PPA2: variants seen among roughly 807,000 people sequenced by gnomAD.
PPA2 encodes inorganic pyrophosphatase 2, mitochondrial.
In PPA2, 48 loss-of-function variants were observed where a neutral mutation model predicts 49.5. That is an observed-to-expected ratio of 0.97 (90% confidence interval 0.77 to 1.23). The LOEUF (loss-of-function observed/expected upper bound fraction) is 1.23. PPA2 is among the 50% of genes most tolerant of loss of function. PPA2 has a pLI of 0.00. For synonymous variants in PPA2, 131 were observed against 139.9 expected (o/e 0.94, Z 0.45); for missense variants, 429 against 410.1 (o/e 1.05, Z -0.40).
chr4:105,466,315 C>A (rs1214941888), intron 1 of PPA2, among the ~76,000 whole-genome samples: 2 of 151,626 alleles, frequency 1.3e-5, no homozygotes, highest in Non-Finnish European at 2.9e-5. Context: ...ATGCACTGTA[C>A]TAAGCATGGT....
At chr4:105,432,142 T>C (rs1723833111) in intron 6 of PPA2, among the ~76,000 whole-genome samples, 1 of 152,182 alleles carries the variant, frequency 6.6e-6, no homozygotes. Context: ...ATGGTGGAGG[T>C]TGTTATATAC....
intron 5 of PPA2, among the ~76,000 whole-genome samples, chr4:105,440,515 C>G (rs548188121): frequency 1.3e-5 from 2 of 152,228 alleles, no homozygotes; most frequent in Non-Finnish European, 2.9e-5. Context: ...CCTGCCTCGG[C>G]CTCCGACAGT....
chr4:105,456,134 AAAC>A (rs1473383110), intron 2 of PPA2: 4 of 404,182 alleles, frequency 9.9e-6, no homozygotes, highest in African/African-American at 8.3e-5. Context: ...ACAGCTATTC[AAAC>A]ACCACCATTT....
chr4:105,374,370 C>G (rs890043252), intron 10 of PPA2, among the ~76,000 whole-genome samples: 2 of 152,018 alleles, frequency 1.3e-5, no homozygotes, highest in Non-Finnish European at 2.9e-5. Context: ...AGACCAGCCC[C>G]GGCAACATAG....
intron 6 of PPA2, among the ~76,000 whole-genome samples, chr4:105,426,597 G>A (rs1723523607): frequency 6.6e-6 from 1 of 152,246 alleles, no homozygotes; most frequent in Non-Finnish European, 1.5e-5. Context: ...GCAGCAGTCT[G>A]AGATCAACCT....
chr4:105,387,775 G>GT (rs1324428498), intron 9 of PPA2, among the ~76,000 whole-genome samples: 1 of 151,190 alleles, frequency 6.6e-6, no homozygotes, highest in East Asian at 1.9e-4. Flanking sequence ...AAGTTGAGGG[G>GT]GAAAAAAAAG....
rs140159342 is a variant in PPA2 at position 105,415,034 on chromosome 4, C to T, written c.655+9162G>A. Reference sequence around the variant, plus strand: ...GGCAGGTTGTCCCGTCCTCCCGAGTCTGGTTAAATCCAAGGTTTTTATGGG... The same window carrying T: ...GGCAGGTTGTCCCGTCCTCCCGAGTTTGGTTAAATCCAAGGTTTTTATGGG... On this transcript the variant is annotated intron_variant, in intron 7 of 11. Transcript: ENST00000341695. 1.0e-3 allele frequency among the ~76,000 whole-genome samples: 153 copies of T among 152,268 alleles called. 1 individual carries two copies. The highest frequency in any genetic ancestry group is 3.6e-3 in the African/African-American group (149 of 41,570).
At chr4:105,405,717 C>T (rs1722438783) in intron 7 of PPA2, 1 of 774,644 alleles carries the variant, frequency 1.3e-6, no homozygotes, top group Non-Finnish European at 1.7e-6. Flanking sequence ...GCTAACCTAC[C>T]TAAAATAGAT....
At chr4:105,406,681 A>T (rs1196671920) in intron 7 of PPA2, among the ~76,000 whole-genome samples, 1 of 152,204 alleles carries the variant, frequency 6.6e-6, no homozygotes, top group Admixed American at 6.5e-5. Context: ...AGCCCTGCAG[A>T]AACCAGCTAT....
At chr4:105,453,820 C>T in intron 2 of PPA2, 178 bp from the exon 3 acceptor site, 1 of 435,270 alleles carries the variant, frequency 2.3e-6, no homozygotes, top group Non-Finnish European at 4.1e-6. Context: ...TTTGTATCCC[C>T]AGAATAGAGC....
At chr4:105,376,643 A>G (rs919319056) in intron 10 of PPA2, among the ~76,000 whole-genome samples, 1 of 152,162 alleles carries the variant, frequency 6.6e-6, no homozygotes, top group Non-Finnish European at 1.5e-5. Flanking sequence ...CATCACTACT[A>G]TGAGCTAGAG....
intron 7 of PPA2, among the ~76,000 whole-genome samples, chr4:105,418,032 T>A (rs1675139864): frequency 6.6e-6 from 1 of 152,218 alleles, no homozygotes; most frequent in African/African-American, 2.4e-5. Context: ...TAACTTATCT[T>A]CATTGAAGTT....
intron 10 of PPA2, among the ~76,000 whole-genome samples, chr4:105,378,216 T>C (rs115483704): frequency 2.0e-3 from 309 of 152,294 alleles, no homozygotes; most frequent in African/African-American, 7.0e-3. Context: ...TTGGTATGCC[T>C]GGTCCTTTTA....
chr4:105,426,146 A>G (rs1466020315), intron 6 of PPA2, among the ~76,000 whole-genome samples: 1 of 152,132 alleles, frequency 6.6e-6, no homozygotes, highest in Non-Finnish European at 1.5e-5. Flanking sequence ...TTCTATTGTA[A>G]TATATGTTTT....
chr4:105,464,792 T>C (rs188510922), intron 1 of PPA2, among the ~76,000 whole-genome samples: 2 of 152,320 alleles, frequency 1.3e-5, no homozygotes, highest in Admixed American at 6.5e-5. Context: ...TCCCCAGCCA[T>C]GTGGAACTGT....
intron 10 of PPA2, among the ~76,000 whole-genome samples, chr4:105,378,091 T>C (rs958576611): frequency 6.6e-6 from 1 of 152,168 alleles, no homozygotes; most frequent in Non-Finnish European, 1.5e-5. Flanking sequence ...TCACATGATA[T>C]GTATACATTT....
chr4:105,369,417 GTT>G lies in PPA2; in HGVS notation c.*306_*307del, dbSNP rs1473844483. On this transcript the variant is annotated 3_prime_UTR_variant, in exon 12 of 12. Transcript: ENST00000341695. ...TTTTTGTATTTTTAATAGAGATGGG[GTT>G]TCAACATACTGGCCAGGCTGGTCTT... The G allele has an allele frequency of 7.6e-6, 2 of 262,256 alleles. No individual in the cohort carries two copies. The highest frequency in any genetic ancestry group is 1.5e-5 in the Non-Finnish European group (2 of 136,332). 16.2% of individuals were successfully genotyped at this position (262,256 alleles called of 1,614,324 possible).
intron 1 of PPA2, among the ~76,000 whole-genome samples, chr4:105,466,517 A>G (rs1002753216): frequency 3.3e-5 from 5 of 152,218 alleles, no homozygotes; most frequent in Admixed American, 3.3e-4. Context: ...ATGGCTCTGC[A>G]ACAATCTCAA....
chr4:105,390,601 T>C (rs1237203138), intron 9 of PPA2, among the ~76,000 whole-genome samples: 1 of 152,084 alleles, frequency 6.6e-6, no homozygotes, highest in African/African-American at 2.4e-5. Flanking sequence ...AAAACCACAA[T>C]GAGATACCAT....
Sources: allele counts gnomAD v4.1 joint callset (sites outside exome capture counted in the v4.1 genomes callset), GRCh38; gene constraint gnomAD v4.1.1; transcripts MANE v1.5; gene names NCBI Gene and HGNC (gene_info 2026-07-23, HGNC 2026-07-21).